The following THSD4 variants were observed in gnomAD, a reference collection of about 807,000 sequenced individuals.
THSD4 encodes thrombospondin type 1 domain containing 4, also known as thrombospondin type-1 domain-containing protein 4.
A neutral mutation model predicts 119.0 loss-of-function variants in THSD4; 69 were observed. The ratio of observed to expected loss-of-function variants is 0.58; its 90% confidence interval spans 0.48 to 0.71. THSD4 has a LOEUF of 0.71. THSD4 is among the 30% of genes least tolerant of loss of function. The pLI, the probability that THSD4 is intolerant of heterozygous loss-of-function variation, is 0.00. For missense variants in THSD4, 1,393 were observed against 1,391.1 expected (o/e 1.00, Z -0.02); for synonymous variants, 524 against 540.4 (o/e 0.97, Z 0.42).
intron 6 of THSD4, among the ~76,000 whole-genome samples, chr15:71,259,867 A>G (rs1488714035): frequency 6.6e-6 from 1 of 152,218 alleles, no homozygotes; most frequent in Non-Finnish European, 1.5e-5. Context: ...TCCAGTGAAC[A>G]TTTAGAGAAG....
At chr15:71,578,748 T>A (rs1281415446) in intron 7 of THSD4, among the ~76,000 whole-genome samples, 1 of 152,164 alleles carries the variant, frequency 6.6e-6, no homozygotes, top group Non-Finnish European at 1.5e-5. Flanking sequence ...TATATTGTGA[T>A]AATATATGAT....
At chr15:71,326,559 C>T (rs1415118374) in intron 6 of THSD4, among the ~76,000 whole-genome samples, 1 of 147,310 alleles carries the variant, frequency 6.8e-6, no homozygotes, top group Non-Finnish European at 1.5e-5. Context: ...CACCTATAAT[C>T]CCAGCTACTC....
chr15:71,475,280 T>A (rs1340651700), intron 7 of THSD4, among the ~76,000 whole-genome samples: 1 of 152,256 alleles, frequency 6.6e-6, no homozygotes, highest in Non-Finnish European at 1.5e-5. Context: ...GAGGAATAAA[T>A]TCCTTTAAAT....
chr15:71,552,016 C>T (rs12148748), intron 7 of THSD4, among the ~76,000 whole-genome samples: 50,587 of 152,066 alleles, frequency 0.33, 10,216 homozygotes, highest in South Asian at 0.48. Context: ...AATCTTAACT[C>T]TTTTCTGATG....
At chr15:71,313,813 T>A (rs2140352883) in intron 6 of THSD4, among the ~76,000 whole-genome samples, 1 of 152,306 alleles carries the variant, frequency 6.6e-6, no homozygotes, top group South Asian at 2.1e-4. Flanking sequence ...GACTGGGGGC[T>A]CTCCGTAGCT....
intron 6 of THSD4, among the ~76,000 whole-genome samples, chr15:71,316,855 C>A (rs1421422713): frequency 2.6e-5 from 4 of 152,158 alleles, no homozygotes. Context: ...TGGGAAAATA[C>A]CAAAGTATTA....
chr15:71,281,960 C>T (rs2044658151), intron 6 of THSD4, among the ~76,000 whole-genome samples: 1 of 152,156 alleles, frequency 6.6e-6, no homozygotes, highest in African/African-American at 2.4e-5. Flanking sequence ...TTCACCTGCT[C>T]CGGGACTAAA....
At chr15:71,401,655 GA>G (rs762811393) in intron 6 of THSD4, among the ~76,000 whole-genome samples, 3 of 152,202 alleles carry the variant, frequency 2.0e-5, no homozygotes, top group Non-Finnish European at 4.4e-5. Context: ...CTGTTGGTGG[GA>G]GTGTAAACTA....
At chr15:71,172,324 CA>C (rs935963080) in intron 3 of THSD4, among the ~76,000 whole-genome samples, 11 of 147,612 alleles carry the variant, frequency 7.5e-5, no homozygotes, top group Non-Finnish European at 9.0e-5. Context: ...AACTCTGTCT[CA>C]AAAAAAAATA....
chr15:71,713,801 C>T (rs571892686), intron 8 of THSD4, among the ~76,000 whole-genome samples: 35 of 152,188 alleles, frequency 2.3e-4, no homozygotes, highest in African/African-American at 8.2e-4. Context: ...TAAGATAGTA[C>T]ACTAAAGGGA....
chr15:71,694,778 G>A (rs1431730619), intron 8 of THSD4, among the ~76,000 whole-genome samples: 1 of 152,104 alleles, frequency 6.6e-6, no homozygotes, highest in Non-Finnish European at 1.5e-5. Flanking sequence ...GTACAACTCT[G>A]AGACAGTCCA....
chr15:71,691,970 T>G (rs769132123), intron 8 of THSD4, among the ~76,000 whole-genome samples: 2 of 152,108 alleles, frequency 1.3e-5, no homozygotes, highest in Non-Finnish European at 2.9e-5. Flanking sequence ...CACAGCAGTG[T>G]GGTTGGGCTG....
chr15:71,507,591 G>A lies in THSD4; in HGVS notation c.1152+95768G>A, dbSNP rs554051712. ...TGAAAGGTGGGGGCTGAGGAGAGAA[G>A]GGGAGTAGTCAGGCAGTTTCTAGCA... On this transcript the variant is annotated intron_variant, in intron 7 of 17. Transcript: ENST00000261862. 5.9e-5 allele frequency among the ~76,000 whole-genome samples: 9 copies of A among 152,308 alleles called. No individual in the cohort carries two copies. The South Asian group carries it at 1.9e-3, about 32-fold the overall frequency.
Position 71,660,387 on chromosome 15 carries a change from G to A in THSD4, c.1153-143G>A, listed in dbSNP as rs147048554. The A allele has an allele frequency of 4.6e-4, 418 of 904,074 alleles. No homozygotes were observed. In the East Asian group the frequency reaches 6.0e-3, roughly 13 times the overall value. 56.0% of individuals were successfully genotyped at this position (904,074 alleles called of 1,614,324 possible). A position where few individuals can be genotyped will look rare whatever the true frequency, so the allele number is the denominator to read the frequency against. ...GTTTTATTTACTTGTCTGGTTTACC[G>A]TCTGTGGCTCCCACCCCACTCCTAG... is the stretch of plus-strand genomic sequence containing the variant. On this transcript the variant is annotated intron_variant, in intron 7 of 17. Transcript: ENST00000261862.
At position 71,607,141 on chromosome 15, in the gene THSD4, T is replaced by C. The variant is rs562260879; in HGVS notation, c.1153-53389T>C. ...ACTGGCTGACACCAGAGAGCCGTTA[T>C]GCCTAAATATGGATCCAGGAGTCTC... On this transcript the variant is annotated intron_variant, in intron 7 of 17. Transcript: ENST00000261862. Among the ~76,000 whole-genome samples, 247 of 152,314 alleles carry C rather than the reference T, an allele frequency of 1.6e-3. 2 individuals carry two copies. Among genetic ancestry groups the C allele is most frequent in the Middle Eastern group, 6.8e-3 (2 of 294 alleles).
At chr15:71,444,380 C>T (rs1215669658) in intron 7 of THSD4, among the ~76,000 whole-genome samples, 1 of 152,212 alleles carries the variant, frequency 6.6e-6, no homozygotes, top group Admixed American at 6.5e-5. Flanking sequence ...CAGACTGATG[C>T]CGTCTCTTCT....
At chr15:71,367,736 A>G (rs926867676) in intron 6 of THSD4, among the ~76,000 whole-genome samples, 1 of 152,250 alleles carries the variant, frequency 6.6e-6, no homozygotes, top group African/African-American at 2.4e-5. Context: ...CAGTGCTGCA[A>G]TAAACATATG....
intron 6 of THSD4, among the ~76,000 whole-genome samples, chr15:71,265,271 A>T (rs1179696364): frequency 1.3e-5 from 2 of 152,082 alleles, no homozygotes; most frequent in East Asian, 3.9e-4. Context: ...TCACACTGGG[A>T]CTGGTTAGAC....
At chr15:71,685,143 TTTTC>T (rs2051880386) in intron 8 of THSD4, among the ~76,000 whole-genome samples, 1 of 152,038 alleles carries the variant, frequency 6.6e-6, no homozygotes, top group African/African-American at 2.4e-5. Context: ...TTATGTGTGT[TTTTC>T]TTTCTTGAAT....
Sources: allele counts gnomAD v4.1 joint callset (sites outside exome capture counted in the v4.1 genomes callset), GRCh38; gene constraint gnomAD v4.1.1; transcripts MANE v1.5; gene names NCBI Gene and HGNC (gene_info 2026-07-23, HGNC 2026-07-21).